Variants in NUDT21 observed in about 807,000 individuals in gnomAD.
The protein encoded by NUDT21 is cleavage and polyadenylation specificity factor subunit 5.
NUDT21 carries 5 observed loss-of-function variants against 29.8 expected under a neutral mutation model. The observed-to-expected ratio is 0.17, with a 90% CI of 0.09 to 0.35. NUDT21 has a LOEUF of 0.35. Ranked by LOEUF, NUDT21 falls within the 10% of genes least tolerant of loss-of-function variation. The pLI is 1.00. For synonymous variants in NUDT21, 113 were observed against 98.5 expected (o/e 1.15, Z -0.87); for missense variants, 76 against 276.0 (o/e 0.28, Z 5.13).
chr16:56,443,829 C>T (rs1222987111), intron 3 of NUDT21, among the ~76,000 whole-genome samples: 2 of 152,204 alleles, frequency 1.3e-5, no homozygotes, highest in Non-Finnish European at 2.9e-5. Flanking sequence ...GCCACCAGAA[C>T]TGGTGAGCCA....
intron 1 of NUDT21, among the ~76,000 whole-genome samples, chr16:56,449,618 A>ATAG (rs1430459441): frequency 2.0e-5 from 3 of 152,216 alleles, no homozygotes; most frequent in Admixed American, 2.0e-4. Context: ...CTATTTTGCC[A>ATAG]ATTCTACAAA....
chr16:56,451,255 T>G lies in NUDT21; in HGVS notation c.-53A>C. The G allele has an allele frequency of 2.2e-6, 3 of 1,379,728 alleles. 1 individual carries two copies. The highest frequency in any genetic ancestry group is 2.5e-5 in the South Asian group (2 of 78,978). 85.5% of individuals were successfully genotyped at this position (1,379,728 alleles called of 1,614,324 possible). On this transcript the variant is annotated 5_prime_UTR_variant, in exon 1 of 7. Coordinates refer to ENST00000300291, the MANE Select transcript of NUDT21 (RefSeq NM_007006.3). ...GCAGAAAGTGGCAGGCAGGGTAGAC[T>G]TTCCCCGTGCGGGAAGCGGTTATCT...
At chr16:56,438,130 A>G (rs1436802483) in intron 4 of NUDT21, among the ~76,000 whole-genome samples, 1 of 152,208 alleles carries the variant, frequency 6.6e-6, no homozygotes, top group African/African-American at 2.4e-5. Flanking sequence ...TGCTTTGTGT[A>G]GTCCCTCCTA....
intron 4 of NUDT21, among the ~76,000 whole-genome samples, chr16:56,435,595 G>A (rs1387083145): frequency 6.1e-5 from 9 of 147,446 alleles, no homozygotes; most frequent in Non-Finnish European, 1.2e-4. Context: ...GCGTGGTGGC[G>A]GGCGCCTGTA....
In NUDT21 at chr16:56,432,603, G is replaced by A. The variant is rs762652399; in HGVS notation, c.*109C>T. On this transcript the variant is annotated 3_prime_UTR_variant, in exon 7 of 7. Coordinates refer to ENST00000300291, the MANE Select transcript of NUDT21 (RefSeq NM_007006.3). ...ATAGAAAGGTGGCAATTTAGGGATC[G>A]CAAAAGAGATAAAACCAAAAAAACT... 8 of 766,126 alleles carry A rather than the reference G, an allele frequency of 1.0e-5. No individual in the cohort carries two copies. The highest frequency in any genetic ancestry group is 3.5e-5 in the African/African-American group (2 of 56,654). 47.5% of individuals were successfully genotyped at this position (766,126 alleles called of 1,614,324 possible). A position where few individuals can be genotyped will look rare whatever the true frequency, so the allele number is the denominator to read the frequency against.
In NUDT21 at chr16:56,429,255, C is replaced by G. The variant is rs1402065907; in HGVS notation, c.*3457G>C. 6.6e-6 allele frequency: 1 copy of G among 152,128 alleles called. No homozygotes were observed. The highest frequency in any genetic ancestry group is 1.5e-5 in the Non-Finnish European group (1 of 68,036). The allele number at this position is 152,128 out of a possible 1,614,324, so 9.4% of individuals were successfully genotyped here. Reference sequence around the variant, plus strand: ...AAAACTTGTTTCTTTTATACATTTGCCATAAACGTAATACCAGAAAAGTTC... The same window carrying G: ...AAAACTTGTTTCTTTTATACATTTGGCATAAACGTAATACCAGAAAAGTTC... On this transcript the variant is annotated 3_prime_UTR_variant, in exon 7 of 7. Transcript: ENST00000300291.
Position 56,439,751 on chromosome 16 carries a change from C to G in NUDT21, c.382-5G>C. 6.2e-7 allele frequency: 1 copy of G among 1,610,846 alleles called. No homozygotes were observed. The highest frequency in any genetic ancestry group is 8.5e-7 in the Non-Finnish European group (1 of 1,177,132). On this transcript the variant is annotated splice_region_variant and splice_polypyrimidine_tract_variant and intron_variant, in intron 3 of 6. Coordinates refer to ENST00000300291, the MANE Select transcript of NUDT21 (RefSeq NM_007006.3). ...TCCATCCTGACGACCCAGTATCTGT[C>G]AAAAAGAAATAAGCCAGTAAACAAC...
At chr16:56,435,742 A>AATT (rs1216334680) in intron 4 of NUDT21, among the ~76,000 whole-genome samples, 1 of 22,190 alleles carries the variant, frequency 4.5e-5, no homozygotes, top group African/African-American at 1.7e-4. Flanking sequence ...AAAAAAAAAA[A>AATT]TTATATATAT....
intron 3 of NUDT21, among the ~76,000 whole-genome samples, chr16:56,443,161 A>G (rs1484872686): frequency 2.0e-5 from 3 of 152,022 alleles, no homozygotes; most frequent in Admixed American, 6.5e-5. Context: ...CATGAGTGAT[A>G]GGACTACAAT....
In NUDT21 at chr16:56,432,505, G is replaced by A. The variant is rs960808667; in HGVS notation, c.*207C>T. ...TGTACAAAAAAGTATGAGCAGAACC[G>A]AAAGTAAATAAACATTATCACATTT... On this transcript the variant is annotated 3_prime_UTR_variant, in exon 7 of 7. Transcript: ENST00000300291. The A allele has an allele frequency of 2.4e-5, 10 of 411,514 alleles. No individual in the cohort carries two copies. Among genetic ancestry groups the A allele is most frequent in the Non-Finnish European group, 3.1e-5 (7 of 224,242 alleles). 25.5% of individuals were successfully genotyped at this position (411,514 alleles called of 1,614,324 possible). A position where few individuals can be genotyped will look rare whatever the true frequency, so the allele number is the denominator to read the frequency against.
In NUDT21 at chr16:56,451,073, C is replaced by A; in HGVS notation, c.116+14G>T. 1 of 1,607,428 alleles carries A rather than the reference C, an allele frequency of 6.2e-7. No homozygotes were observed. The highest frequency in any genetic ancestry group is 8.5e-7 in the Non-Finnish European group (1 of 1,174,466). Reference sequence around the variant, plus strand: ...TCACGAGAGAAATGCCCGCCAAGGCCGCGCCGCACTTACAGGTTGATGGTG... The same window carrying A: ...TCACGAGAGAAATGCCCGCCAAGGCAGCGCCGCACTTACAGGTTGATGGTG... On this transcript the variant is annotated intron_variant, in intron 1 of 6. Transcript: ENST00000300291.
chr16:56,438,513 G>A (rs761856359), intron 4 of NUDT21, among the ~76,000 whole-genome samples: 12 of 152,208 alleles, frequency 7.9e-5, no homozygotes, highest in Non-Finnish European at 5.9e-5. Flanking sequence ...CAACTTGACT[G>A]TAACTTCATG....
At chr16:56,434,478 A>G in intron 5 of NUDT21, 33 bp from the exon 6 acceptor site, 1 of 1,212,740 alleles carries the variant, frequency 8.2e-7, no homozygotes, top group Non-Finnish European at 1.2e-6. Context: ...ATTATAAGTT[A>G]TTATATAATC....
Position 56,442,346 on chromosome 16 carries a change from G to T in NUDT21, c.382-2600C>A, listed in dbSNP as rs114129603. On this transcript the variant is annotated intron_variant, in intron 3 of 6. Coordinates refer to ENST00000300291, the MANE Select transcript of NUDT21 (RefSeq NM_007006.3). The stretch of plus-strand genomic sequence containing the variant: ...AACTTTTTGAAACTCTGCATGTCTA[G>T]AAGTAACTTTTACCCACACACTTGA... Among the ~76,000 whole-genome samples the T allele has an allele frequency of 3.2e-3, 486 of 152,278 alleles. 6 individuals carry two copies. The highest frequency in any genetic ancestry group is 0.011 in the African/African-American group (447 of 41,554).
At position 56,430,877 on chromosome 16, in the gene NUDT21, T is replaced by G. The variant is rs1175348473; in HGVS notation, c.*1835A>C. The G allele has an allele frequency of 6.6e-6, 1 of 152,264 alleles. No individual in the cohort carries two copies. The highest frequency in any genetic ancestry group is 1.5e-5 in the Non-Finnish European group (1 of 68,056). The allele number at this position is 152,264 out of a possible 1,614,324, so 9.4% of individuals were successfully genotyped here. A position where few individuals can be genotyped will look rare whatever the true frequency, so the allele number is the denominator to read the frequency against. On this transcript the variant is annotated 3_prime_UTR_variant, in exon 7 of 7. Transcript: ENST00000300291. ...ACTGGCTCACGTACTTACTGTATAT[T>G]GGGAAGAAGTGAAGAAGTGAGAAGT...
intron 1 of NUDT21, 115 bp from the exon 2 acceptor site, chr16:56,448,104 C>A (rs893906209): frequency 9.6e-6 from 8 of 830,198 alleles, no homozygotes; most frequent in Non-Finnish European, 1.5e-5. Flanking sequence ...TACTCAGACA[C>A]AGGATTTGTA....
chr16:56,433,027 A>G (rs987495600), intron 6 of NUDT21, among the ~76,000 whole-genome samples: 1 of 152,220 alleles, frequency 6.6e-6, no homozygotes, highest in East Asian at 1.9e-4. Context: ...AAGTTTCTAC[A>G]TGTCCTTATA....
At chr16:56,433,109 C>G (rs1317977607) in intron 6 of NUDT21, among the ~76,000 whole-genome samples, 1 of 152,182 alleles carries the variant, frequency 6.6e-6, no homozygotes, top group East Asian at 1.9e-4. Flanking sequence ...TCTTTTCCCC[C>G]CATATGCATT....
chr16:56,451,286 C>T lies in NUDT21; in HGVS notation c.-84G>A. The T allele has an allele frequency of 2.8e-6, 3 of 1,073,774 alleles. No individual in the cohort carries two copies. In the South Asian group the frequency reaches 4.3e-5, roughly 15 times the overall value. 66.5% of individuals were successfully genotyped at this position (1,073,774 alleles called of 1,614,324 possible). Reference sequence around the variant, plus strand: ...CGTGCGGGAAGCGGTTATCTGCAATCCCCTCAGCGGCTACTGCCCGCCATT... The same window carrying T: ...CGTGCGGGAAGCGGTTATCTGCAATTCCCTCAGCGGCTACTGCCCGCCATT... On this transcript the variant is annotated 5_prime_UTR_variant, in exon 1 of 7. Coordinates refer to ENST00000300291, the MANE Select transcript of NUDT21 (RefSeq NM_007006.3).
Sources: allele counts gnomAD v4.1 joint callset (sites outside exome capture counted in the v4.1 genomes callset), GRCh38; gene constraint gnomAD v4.1.1; transcripts MANE v1.5; gene names NCBI Gene and HGNC (gene_info 2026-07-23, HGNC 2026-07-21).